Variants in ASIC2 observed in about 807,000 individuals in gnomAD.
ASIC2 encodes acid sensing ion channel subunit 2.
A neutral mutation model predicts 57.3 loss-of-function variants in ASIC2; 25 were observed. The observed-to-expected ratio is 0.44, with a 90% CI of 0.32 to 0.61. The LOEUF is 0.61. ASIC2 is among the 20% of genes least tolerant of loss of function. The pLI, the probability that ASIC2 is intolerant of heterozygous loss-of-function variation, is 0.06. For synonymous variants in ASIC2, 319 were observed against 307.5 expected, an observed-to-expected ratio of 1.04 and a Z score of -0.39; for missense variants, 641 against 738.1, an observed-to-expected ratio of 0.87 and a Z score of 1.52.
chr17:33,456,415 C>G (rs1376305203), intron 1 of ASIC2, among the ~76,000 whole-genome samples: 1 of 152,164 alleles, frequency 6.6e-6, no homozygotes, highest in East Asian at 1.9e-4. Context: ...TCCCCATCCC[C>G]CCTTCAGTCT....
rs971536479 is a variant in ASIC2, at chr17:33,926,783, A to C, written c.555+229195T>G. ...GAATACCTGTATCTGCTATTAAGCA[A>C]GAGCAATAGCAAACAATGGCAGGCT... On this transcript the variant is annotated intron_variant, in intron 1 of 9. Coordinates refer to the ASIC2 transcript ENST00000359872. Among the ~76,000 whole-genome samples, 22 of 152,372 alleles carry C rather than the reference A, an allele frequency of 1.4e-4. No homozygotes were observed. The South Asian group carries it at 1.7e-3, about 11-fold the overall frequency.
chr17:33,338,855 C>T (rs1907624176), intron 1 of ASIC2, among the ~76,000 whole-genome samples: 1 of 152,106 alleles, frequency 6.6e-6, no homozygotes, highest in Admixed American at 6.6e-5. Context: ...CTGTGTGATT[C>T]CACTTATATG....
intron 1 of ASIC2, among the ~76,000 whole-genome samples, chr17:33,310,582 C>A (rs1906369658): frequency 6.6e-6 from 1 of 152,136 alleles, no homozygotes; most frequent in Non-Finnish European, 1.5e-5. Flanking sequence ...GGCTCAGAAC[C>A]AAGTAAAAAA....
chr17:33,125,904 G>T (rs2092321356), intron 1 of ASIC2, among the ~76,000 whole-genome samples: 1 of 152,178 alleles, frequency 6.6e-6, no homozygotes, highest in Non-Finnish European at 1.5e-5. Context: ...CCAGGACTAG[G>T]ATGGGGCAAA....
chr17:33,329,047 A>G (rs781317450), intron 1 of ASIC2, among the ~76,000 whole-genome samples: 1 of 152,066 alleles, frequency 6.6e-6, no homozygotes, highest in Non-Finnish European at 1.5e-5. Flanking sequence ...ATACACTTCT[A>G]TAAGAGGCAG....
At chr17:33,441,959 A>C (rs957503542) in intron 1 of ASIC2, among the ~76,000 whole-genome samples, 3 of 152,206 alleles carry the variant, frequency 2.0e-5, no homozygotes, top group Admixed American at 6.5e-5. Flanking sequence ...AATGAGTGAG[A>C]AAATATATTT....
intron 3 of ASIC2, among the ~76,000 whole-genome samples, chr17:33,062,141 T>A (rs1455385052): frequency 6.6e-6 from 1 of 152,128 alleles, no homozygotes; most frequent in Non-Finnish European, 1.5e-5. Flanking sequence ...TTTTGAAGGG[T>A]TTTTTGTGTC....
chr17:33,444,409 A>G (rs530586549), intron 1 of ASIC2, among the ~76,000 whole-genome samples: 109 of 152,322 alleles, frequency 7.2e-4, no homozygotes, highest in Admixed American at 1.8e-3. Context: ...GGTAACCAAG[A>G]GGTCATAGAA....
chr17:33,581,316 A>G, intron 1 of ASIC2: 1 of 152,202 alleles, frequency 6.6e-6, no homozygotes, highest in Non-Finnish European at 1.5e-5. Flanking sequence ...AGCTGCATGG[A>G]ACTGAAATCT....
intron 1 of ASIC2, among the ~76,000 whole-genome samples, chr17:33,790,274 A>G (rs1006409394): frequency 2.0e-5 from 3 of 152,150 alleles, no homozygotes; most frequent in Non-Finnish European, 2.9e-5. Flanking sequence ...AACTCTCAAT[A>G]ATATATTTTT....
At chr17:33,410,044 T>C (rs1366191460) in intron 1 of ASIC2, among the ~76,000 whole-genome samples, 1 of 152,148 alleles carries the variant, frequency 6.6e-6, no homozygotes, top group East Asian at 1.9e-4. Flanking sequence ...GTTCACACCA[T>C]TGAGGATGTA....
intron 1 of ASIC2, among the ~76,000 whole-genome samples, chr17:33,174,353 G>A (rs1279372672): frequency 2.0e-5 from 3 of 151,570 alleles, no homozygotes; most frequent in African/African-American, 7.3e-5. Flanking sequence ...CCTGGGTGGT[G>A]GAGGTTGCAG....
At chr17:33,348,650 T>A (rs1445065065) in intron 1 of ASIC2, among the ~76,000 whole-genome samples, 3 of 152,032 alleles carry the variant, frequency 2.0e-5, no homozygotes, top group Admixed American at 6.5e-5. Context: ...TGAGGCTTTA[T>A]GATGATGGAC....
intron 1 of ASIC2, among the ~76,000 whole-genome samples, chr17:33,911,222 C>A (rs1915455214): frequency 6.6e-6 from 1 of 152,240 alleles, no homozygotes; most frequent in South Asian, 2.1e-4. Context: ...GACTAGGGAC[C>A]TCTGTGTAAT....
chr17:33,333,892 C>T (rs1262719655), intron 1 of ASIC2, among the ~76,000 whole-genome samples: 2 of 152,152 alleles, frequency 1.3e-5, no homozygotes, highest in African/African-American at 2.4e-5. Flanking sequence ...GAAAGTCTTT[C>T]CCCAGACCCC....
chr17:33,768,211 G>A (rs987748956), intron 1 of ASIC2, among the ~76,000 whole-genome samples: 2 of 151,906 alleles, frequency 1.3e-5, no homozygotes, highest in Non-Finnish European at 2.9e-5. Flanking sequence ...TTAGAGATGG[G>A]GTTTCACCGT....
intron 1 of ASIC2, among the ~76,000 whole-genome samples, chr17:33,160,900 A>C (rs956032881): frequency 6.6e-6 from 1 of 152,198 alleles, no homozygotes; most frequent in Non-Finnish European, 1.5e-5. Context: ...TAGGGTGGAC[A>C]ACTGGGGCAA....
At chr17:33,872,365 G>A (rs1441844059) in intron 1 of ASIC2, among the ~76,000 whole-genome samples, 1 of 152,140 alleles carries the variant, frequency 6.6e-6, no homozygotes, top group African/African-American at 2.4e-5. Flanking sequence ...GCAAAGAGAT[G>A]GAGACACCAA....
chr17:33,659,023 T>A (rs539241849), intron 1 of ASIC2, among the ~76,000 whole-genome samples: 1 of 152,178 alleles, frequency 6.6e-6, no homozygotes, highest in South Asian at 2.1e-4. Context: ...AATAAAATAA[T>A]TTTTTAAAAA....
Sources: allele counts gnomAD v4.1 joint callset (sites outside exome capture counted in the v4.1 genomes callset), GRCh38; gene constraint gnomAD v4.1.1; transcripts MANE v1.5; gene names NCBI Gene and HGNC (gene_info 2026-07-23, HGNC 2026-07-21).